MEI1: variants seen among roughly 807,000 people sequenced by gnomAD.
MEI1 encodes meiosis inhibitor protein 1.
A neutral mutation model predicts 146.2 loss-of-function variants in MEI1; 103 were observed. The ratio of observed to expected loss-of-function variants is 0.70; its 90% confidence interval spans 0.60 to 0.83. MEI1 has a LOEUF of 0.83. Among genes scored for constraint, MEI1 ranks in the 40% least tolerant of loss-of-function variants. The pLI is 0.00. For synonymous variants in MEI1, 652 were observed against 628.2 expected, an observed-to-expected ratio of 1.04 and a Z score of -0.57; for missense variants, 1,529 against 1,533.0, an observed-to-expected ratio of 1.00 and a Z score of 0.04.
chr22:41,738,330 T>A (rs1394867561), intron 11 of MEI1, among the ~76,000 whole-genome samples: 2 of 152,194 alleles, frequency 1.3e-5, no homozygotes, highest in Non-Finnish European at 2.9e-5. Context: ...GGCTCATGCC[T>A]GTAATCCCAG....
intron 26 of MEI1, among the ~76,000 whole-genome samples, chr22:41,790,733 A>G (rs530292412): frequency 6.6e-6 from 1 of 152,176 alleles, no homozygotes; most frequent in South Asian, 2.1e-4. Flanking sequence ...AGCTGGGACT[A>G]CAGGCTCCCG....
intron 1 of MEI1, among the ~76,000 whole-genome samples, chr22:41,702,643 C>A (rs560750821): frequency 2.0e-5 from 3 of 152,198 alleles, no homozygotes; most frequent in Admixed American, 6.5e-5. Context: ...CCGGGTTTCT[C>A]CATGTTGGTC....
rs1295197953 is a variant in MEI1, at chr22:41,724,003, G to A, written c.794G>A (p.Gly265Glu). The change falls in exon 7 of 31, where the codon GGA (glycine) becomes GAA (glutamate). Residue 265 changes from glycine to glutamate, a missense_variant. Transcript: ENST00000401548. ...LFVSMIMNQD[G>E]LGESAKNIEG... ...GTGTCCATGATCATGAACCAGGATG[G>A]ACTGGGAGAAAGTGCTAAGAATATC... The A allele has an allele frequency of 2.5e-6, 4 of 1,613,266 alleles. No individual in the cohort carries two copies. Among genetic ancestry groups the A allele is most frequent in the East Asian group, 2.2e-5 (1 of 44,878 alleles).
At chr22:41,737,220 CA>C (rs1363857778) in intron 11 of MEI1, among the ~76,000 whole-genome samples, 1 of 152,002 alleles carries the variant, frequency 6.6e-6, no homozygotes, top group Non-Finnish European at 1.5e-5. Flanking sequence ...ACCTATCAAA[CA>C]TTTGAAAGTT....
chr22:41,735,110 C>T (rs762685434), intron 11 of MEI1, among the ~76,000 whole-genome samples: 69 of 151,320 alleles, frequency 4.6e-4, no homozygotes, highest in Non-Finnish European at 8.8e-5. Flanking sequence ...TACAGGCGCG[C>T]GCCACCACAC....
intron 18 of MEI1, among the ~76,000 whole-genome samples, chr22:41,760,792 A>T (rs2074434538): frequency 6.6e-6 from 1 of 152,174 alleles, no homozygotes. Context: ...AGTGAAACAG[A>T]ACAGAGCAGG....
intron 11 of MEI1, among the ~76,000 whole-genome samples, chr22:41,739,600 T>G (rs1310697959): frequency 6.6e-6 from 1 of 152,080 alleles, no homozygotes; most frequent in Non-Finnish European, 1.5e-5. Flanking sequence ...CAGTCTGTCT[T>G]CTTTCCTCCT....
intron 15 of MEI1, among the ~76,000 whole-genome samples, chr22:41,751,025 G>A (rs1259828344): frequency 6.6e-6 from 1 of 151,978 alleles, no homozygotes; most frequent in Non-Finnish European, 1.5e-5. Flanking sequence ...GATCTGTAGG[G>A]AGATCTGTGT....
At chr22:41,704,435 A>G (rs1239632974) in intron 2 of MEI1, among the ~76,000 whole-genome samples, 4 of 129,374 alleles carry the variant, frequency 3.1e-5, no homozygotes, top group Non-Finnish European at 6.3e-5. Flanking sequence ...TTTTTTTGAG[A>G]TGGTGTCTCG....
chr22:41,734,202 AC>A (rs2072121732), intron 11 of MEI1, among the ~76,000 whole-genome samples: 1 of 152,326 alleles, frequency 6.6e-6, no homozygotes, highest in Admixed American at 6.5e-5. Flanking sequence ...CAAATACTAT[AC>A]CATTTTATGT....
At position 41,700,849 on chromosome 22, in the gene MEI1, G is replaced by C. The variant is rs374156933; in HGVS notation, c.174+1137G>C. On this transcript the variant is annotated intron_variant, in intron 1 of 30. Coordinates refer to ENST00000401548, the MANE Select transcript of MEI1 (RefSeq NM_152513.4). Reference sequence around the variant, plus strand: ...ACTCCTAGTCTCAAGCAATTCTCCTGCCTTGACCTCCCAAAGTCCAAAGTG... The same window carrying C: ...ACTCCTAGTCTCAAGCAATTCTCCTCCCTTGACCTCCCAAAGTCCAAAGTG... 1.6e-4 allele frequency among the ~76,000 whole-genome samples: 24 copies of C among 146,662 alleles called. No homozygotes were observed. In the South Asian group the frequency reaches 4.9e-3, roughly 30 times the overall value.
intron 6 of MEI1, chr22:41,722,027 T>C (rs1206367620): frequency 2.0e-5 from 3 of 151,006 alleles, no homozygotes; most frequent in African/African-American, 7.3e-5. Flanking sequence ...CCTCTTTTTT[T>C]TTTTTTTTAA....
chr22:41,779,739 GTCAGCTCTCCAGC>G (rs1460573434), intron 22 of MEI1, among the ~76,000 whole-genome samples: 1 of 152,078 alleles, frequency 6.6e-6, no homozygotes, highest in Non-Finnish European at 1.5e-5. Flanking sequence ...CTGGCACAAG[GTCAGCTCTCCAGC>G]TCATCCTACA....
In MEI1 at chr22:41,776,221, G is replaced by T; in HGVS notation, c.2664G>T (p.Leu888=). The change falls in exon 21 of 31, where the codon CTG becomes CTT. Residue 888 remains leucine, a synonymous_variant. Coordinates refer to ENST00000401548, the MANE Select transcript of MEI1 (RefSeq NM_152513.4). ...GTCTTATCCGAGGCCACTTCCTGCTGATCCTGCAGCGTCTGCTAGTGGAGC... is the reference window on the plus strand; with the variant it reads ...GTCTTATCCGAGGCCACTTCCTGCTTATCCTGCAGCGTCTGCTAGTGGAGC... ...VGGLIRGHFL[L]ILQRLLVEHG... is the part of the protein sequence containing the mutation. The T allele has an allele frequency of 6.2e-7, 1 of 1,613,948 alleles. No homozygotes were observed. Among genetic ancestry groups the T allele is most frequent in the Non-Finnish European group, 8.5e-7 (1 of 1,179,880 alleles).
intron 14 of MEI1, among the ~76,000 whole-genome samples, chr22:41,746,605 G>A (rs928389644): frequency 6.6e-6 from 1 of 152,174 alleles, no homozygotes; most frequent in African/African-American, 2.4e-5. Context: ...AGGTTGAGAT[G>A]GTGGGAAGAG....
chr22:41,713,329 A>G (rs1231987707), intron 3 of MEI1, among the ~76,000 whole-genome samples: 1 of 152,138 alleles, frequency 6.6e-6, no homozygotes, highest in Non-Finnish European at 1.5e-5. Flanking sequence ...TTAGCCAGGC[A>G]TAGTGGCATG....
At chr22:41,789,443 T>C (rs1220007301) in intron 26 of MEI1, among the ~76,000 whole-genome samples, 1 of 152,204 alleles carries the variant, frequency 6.6e-6, no homozygotes, top group East Asian at 1.9e-4. Context: ...GGATTACAGG[T>C]GTGAGTCACT....
chr22:41,749,887 G>T (rs190624340), intron 15 of MEI1, among the ~76,000 whole-genome samples: 10 of 151,950 alleles, frequency 6.6e-5, no homozygotes, highest in Admixed American at 6.6e-4. Flanking sequence ...ACTGGGGGAG[G>T]ATCTGGTTTG....
At chr22:41,772,756 T>C (rs1314153190) in intron 20 of MEI1, among the ~76,000 whole-genome samples, 1 of 152,206 alleles carries the variant, frequency 6.6e-6, no homozygotes, top group South Asian at 2.1e-4. Flanking sequence ...CTCTTTTTAC[T>C]CAGTCTGTTT....
Sources: gnomAD v4.1 joint callset for allele counts (sites outside exome capture counted in the v4.1 genomes callset) on GRCh38, gnomAD v4.1.1 for gene constraint, MANE v1.5 for transcripts, NCBI Gene and HGNC (gene_info 2026-07-23, HGNC 2026-07-21) for gene names.